The following FANCA variants were observed in gnomAD, a reference collection of about 807,000 sequenced individuals.
FANCA encodes Fanconi anemia group A protein.
FANCA carries 236 observed loss-of-function variants against 194.3 expected under a neutral mutation model. That is an observed-to-expected ratio of 1.21 (90% CI 1.09 to 1.35). The LOEUF is 1.35. Among genes scored for constraint, FANCA ranks in the 40% most tolerant of loss-of-function variants. The pLI is 0.00. For missense variants in FANCA, 2,628 were observed against 1,813.9 expected (o/e 1.45, Z -8.15); for synonymous variants, 1,014 against 715.8 (o/e 1.42, Z -6.65).
At chr16:89,773,135 G>C (rs999486768) in intron 22 of FANCA, 136 bp downstream of exon 22, 2 of 739,586 alleles carry the variant, frequency 2.7e-6, no homozygotes, top group East Asian at 2.7e-5. Context: ...CGCCAGCCCG[G>C]GGTCAATCTT....
Position 89,799,633 on chromosome 16 carries a change from C to A in FANCA, c.798G>T (p.Thr266=), listed in dbSNP as rs767444643. ...TCAGCATTCTCTGCAGTACATCAAC[C>A]GTGACCTGTCAAAATAGAATGTGAG... ...TVEPEKMPQV[T]VDVLQRMLIF... The change falls in exon 9 of 43, where the codon ACG becomes ACT. Residue 266 remains threonine, a synonymous_variant. Coordinates refer to ENST00000389301, the MANE Select transcript of FANCA (RefSeq NM_000135.4). The A allele has an allele frequency of 2.5e-6, 4 of 1,613,196 alleles. No individual in the cohort carries two copies. Among genetic ancestry groups the A allele is most frequent in the Non-Finnish European group, 3.4e-6 (4 of 1,179,168 alleles).
chr16:89,746,533 A>T, intron 35 of FANCA, 51 bp downstream of exon 35: 2 of 1,412,156 alleles, frequency 1.4e-6, no homozygotes, highest in Non-Finnish European at 2.0e-6. Context: ...GCAGCTGTGG[A>T]GTCTCCCACT....
rs548637251 is a variant in FANCA at position 89,777,659 on chromosome 16, T to C, written c.1826+1142A>G. Among the ~76,000 whole-genome samples the C allele has an allele frequency of 2.6e-5, 4 of 152,226 alleles. No individual in the cohort carries two copies. In the South Asian group the frequency reaches 8.3e-4, roughly 32 times the overall value. On this transcript the variant is annotated intron_variant, in intron 20 of 42. Coordinates refer to ENST00000389301, the MANE Select transcript of FANCA (RefSeq NM_000135.4). ...TTGCTGGAATATAGGACTTATACTT[T>C]CCTATTTCTTCCAAAGTTGGTTGAT...
At chr16:89,772,941 G>C (rs779434732) in intron 22 of FANCA, among the ~76,000 whole-genome samples, 1 of 152,172 alleles carries the variant, frequency 6.6e-6, no homozygotes, top group Non-Finnish European at 1.5e-5. Flanking sequence ...CTGTGTGTCT[G>C]ATGTGACATC....
At chr16:89,773,033 T>C (rs2143364007) in intron 22 of FANCA, among the ~76,000 whole-genome samples, 2 of 152,264 alleles carry the variant, frequency 1.3e-5, no homozygotes, top group African/African-American at 4.8e-5. Context: ...CCTACTCAGA[T>C]GCAACTAGCC....
At chr16:89,793,476 T>C (rs908054343) in intron 11 of FANCA, among the ~76,000 whole-genome samples, 1 of 152,226 alleles carries the variant, frequency 6.6e-6, no homozygotes, top group Non-Finnish European at 1.5e-5. Flanking sequence ...TGATTAATGA[T>C]ATTCATATGT....
intron 14 of FANCA, among the ~76,000 whole-genome samples, 185 bp from the exon 15 acceptor site, chr16:89,785,149 T>C (rs1017295096): frequency 1.3e-5 from 2 of 152,160 alleles, no homozygotes; most frequent in African/African-American, 2.4e-5. Flanking sequence ...GCGGCTGCTG[T>C]AGTCGGCCTC....
intron 30 of FANCA, among the ~76,000 whole-genome samples, chr16:89,754,208 C>G (rs552488368): frequency 6.7e-6 from 1 of 149,378 alleles, no homozygotes; most frequent in Admixed American, 6.7e-5. Flanking sequence ...GGTGACAGAG[C>G]GAGACTCCGT....
intron 17 of FANCA, among the ~76,000 whole-genome samples, chr16:89,781,446 G>C (rs551251810): frequency 6.6e-6 from 1 of 151,306 alleles, no homozygotes; most frequent in African/African-American, 2.4e-5. Flanking sequence ...GGCCAAGGCG[G>C]GCAGATCACG....
At chr16:89,764,792 G>A in intron 28 of FANCA, 98 bp downstream of exon 28, 2 of 1,405,318 alleles carry the variant, frequency 1.4e-6, no homozygotes, top group Middle Eastern at 1.8e-4. Context: ...TGCAGGGGAA[G>A]GAACGGTCAC....
Position 89,799,180 on chromosome 16 carries a change from C to T in FANCA, c.879G>A (p.Lys293=), listed in dbSNP as rs767288683. The change falls in exon 10 of 43, where the codon AAG becomes AAA. Residue 293 remains lysine, a synonymous_variant. Transcript: ENST00000389301. ...AGVQEESSTH[K]IVRCWFGVFS... is the part of the protein sequence containing the mutation. ...CAGGAACATACCAGCACCTCACGAT[C>T]TTGTGAGTGGAGGACTCCTCCTGTA... The T allele has an allele frequency of 1.2e-5, 19 of 1,614,068 alleles. No individual in the cohort carries two copies. The highest frequency in any genetic ancestry group is 8.5e-7 in the Non-Finnish European group (1 of 1,180,044).
chr16:89,799,781 C>T (rs2040380134), intron 8 of FANCA, 143 bp from the exon 9 acceptor site: 1 of 711,336 alleles, frequency 1.4e-6, no homozygotes, highest in South Asian at 1.5e-5. Flanking sequence ...ATCACGAGGT[C>T]AGGAGATCGA....
chr16:89,792,049 G>C lies in FANCA; in HGVS notation c.1103C>G (p.Ala368Gly), dbSNP rs1302454899. 1 of 1,614,160 alleles carries C rather than the reference G, an allele frequency of 6.2e-7. No homozygotes were observed. The highest frequency in any genetic ancestry group is 1.3e-5 in the African/African-American group (1 of 75,036). Residue 368 changes from alanine (A) to glycine (G), a missense_variant, in exon 13 of 43, where the codon GCA (alanine) becomes GGA (glycine). Ala to Gly is a moderately conservative substitution (Grantham distance 60). Transcript: ENST00000389301. The stretch of plus-strand genomic sequence containing the variant: ...TTGCAAATGGCCAACCAACTCCTCT[G>C]CACTCAGCATCACAAAGAGCTGAAA... The part of the protein sequence containing the change: ...LYRRLFVMLS[A>G]EELVGHLQEV...
At chr16:89,807,484 T>C (rs2040700646) in intron 6 of FANCA, among the ~76,000 whole-genome samples, 1 of 151,600 alleles carries the variant, frequency 6.6e-6, no homozygotes, top group African/African-American at 2.4e-5. Flanking sequence ...GCGAGGTGGC[T>C]CATGCCTGTA....
chr16:89,802,439 T>C (rs564421664), intron 8 of FANCA, among the ~76,000 whole-genome samples: 1 of 151,698 alleles, frequency 6.6e-6, no homozygotes, highest in Non-Finnish European at 1.5e-5. Flanking sequence ...GGAGTCTCTG[T>C]CGCCTAGGCT....
chr16:89,795,242 G>A (rs17232484), intron 11 of FANCA, among the ~76,000 whole-genome samples: 8,164 of 151,200 alleles, frequency 0.054, 493 homozygotes, highest in African/African-American at 0.15. Context: ...CCCAAATCAC[G>A]CCACTGTACT....
At position 89,738,741 on chromosome 16, in the gene FANCA, C is replaced by T. The variant is rs541302571; in HGVS notation, c.4261-33G>A. ...AGAGGAGCAGGTCCTCAGCCCATGC[C>T]GCCCACTAGGCCTCAGACCACAGGG... is the stretch of plus-strand genomic sequence containing the variant. On this transcript the variant is annotated intron_variant, in intron 42 of 42. Transcript: ENST00000389301. 673 of 1,612,874 alleles carry T rather than the reference C, an allele frequency of 4.2e-4. 13 individuals carry two copies. The South Asian group carries it at 6.8e-3, about 16-fold the overall frequency.
intron 11 of FANCA, 80 bp downstream of exon 11, chr16:89,795,826 C>T (rs2040226907): frequency 2.0e-6 from 2 of 1,001,914 alleles, no homozygotes; most frequent in South Asian, 1.3e-5. Flanking sequence ...CTGGCATCTC[C>T]AGTCAGCGTT....
In FANCA at chr16:89,806,382, G is replaced by C. The variant is rs1427341279; in HGVS notation, c.597-990C>G. Among the ~76,000 whole-genome samples, 7 of 113,942 alleles carry C rather than the reference G, an allele frequency of 6.1e-5. No homozygotes were observed. In the Admixed American group the frequency reaches 6.4e-4, roughly 10 times the overall value. The allele number at this position is 113,942 out of a possible 152,430, so 74.8% of individuals were successfully genotyped here. A position where few individuals can be genotyped will look rare whatever the true frequency, so the allele number is the denominator to read the frequency against. Reference sequence around the variant, plus strand: ...TTTTTTTTTTTAATTGATCATTCTTGGGTGTTTCTCGCAGAGGGGGATTTG... The same window carrying C: ...TTTTTTTTTTTAATTGATCATTCTTCGGTGTTTCTCGCAGAGGGGGATTTG... On this transcript the variant is annotated intron_variant, in intron 6 of 42. Transcript: ENST00000389301.
Sources: gnomAD v4.1 joint callset for allele counts (sites outside exome capture counted in the v4.1 genomes callset) on GRCh38, gnomAD v4.1.1 for gene constraint, MANE v1.5 for transcripts, NCBI Gene and HGNC (gene_info 2026-07-23, HGNC 2026-07-21) for gene names.